The following SLC12A8 variants were observed in gnomAD, a reference collection of about 807,000 sequenced individuals.
The protein encoded by SLC12A8 is solute carrier family 12 member 8, also known as cation-chloride cotransporter 9.
SLC12A8 carries 69 observed loss-of-function variants against 75.6 expected under a neutral mutation model. The ratio of observed to expected loss-of-function variants is 0.91; its 90% CI spans 0.75 to 1.11. The LOEUF is 1.11. SLC12A8 is among the 50% of genes most tolerant of loss of function. SLC12A8 has a pLI of 0.00. For missense variants in SLC12A8, 877 were observed against 896.7 expected (o/e 0.98, Z 0.28); for synonymous variants, 365 against 372.8 (o/e 0.98, Z 0.24).
At position 125,120,597 on chromosome 3, in the gene SLC12A8, A is replaced by C; in HGVS notation, c.824+2T>G. On this transcript the variant is annotated splice_donor_variant, in intron 7 of 13. Transcript: ENST00000469902. LOFTEE classifies it high-confidence loss of function. ...AGACTGATTGCCATGAGGGGAACTTACGAGATGCCAACAGCTGCCAGGGAG... is the reference window on the plus strand; with the variant it reads ...AGACTGATTGCCATGAGGGGAACTTCCGAGATGCCAACAGCTGCCAGGGAG... 1.2e-6 allele frequency: 2 copies of C among 1,610,856 alleles called. No homozygotes were observed. Among genetic ancestry groups the C allele is most frequent in the Non-Finnish European group, 1.7e-6 (2 of 1,177,560 alleles).
intron 13 of SLC12A8, chr3:125,088,056 C>T: frequency 4.1e-6 from 2 of 488,002 alleles, no homozygotes; most frequent in South Asian, 3.3e-5. Context: ...TAAATAAAGC[C>T]TCTGTTCTTG....
At chr3:125,190,550 G>A in intron 2 of SLC12A8, 29 bp from the exon 3 acceptor site, 1 of 1,611,392 alleles carries the variant, frequency 6.2e-7, no homozygotes, top group Non-Finnish European at 8.5e-7. Flanking sequence ...GAAATCAGCT[G>A]AGGGGCCATT....
rs529503391 is a variant in SLC12A8, at chr3:125,103,888, C to A, written c.1705+3593G>T. ...GGCTCAAACATTCCTCCTGTCTCAG[C>A]CTCCCAAAGTGCTGGATTACAGGTG... On this transcript the variant is annotated intron_variant, in intron 10 of 13. Coordinates refer to ENST00000469902, the MANE Select transcript of SLC12A8 (RefSeq NM_024628.6). 2.6e-5 allele frequency among the ~76,000 whole-genome samples: 4 copies of A among 152,086 alleles called. No homozygotes were observed. In the East Asian group the frequency reaches 5.8e-4, roughly 22 times the overall value.
intron 6 of SLC12A8, among the ~76,000 whole-genome samples, chr3:125,124,697 A>G (rs1324004676): frequency 1.3e-5 from 2 of 152,212 alleles, no homozygotes; most frequent in African/African-American, 2.4e-5. Context: ...TTACCACACA[A>G]TTCTTGGGCA....
At chr3:125,177,098 G>A (rs1295177349) in intron 5 of SLC12A8, among the ~76,000 whole-genome samples, 1 of 151,916 alleles carries the variant, frequency 6.6e-6, no homozygotes, top group East Asian at 1.9e-4. Context: ...ATGATAGACT[G>A]GATTAAGAAA....
At chr3:125,188,002 G>T (rs1934828248) in intron 3 of SLC12A8, among the ~76,000 whole-genome samples, 1 of 152,112 alleles carries the variant, frequency 6.6e-6, no homozygotes, top group South Asian at 2.1e-4. Context: ...TCCAGGGGAG[G>T]ATGATATGGT....
At chr3:125,156,198 C>T (rs1370965570) in intron 5 of SLC12A8, among the ~76,000 whole-genome samples, 1 of 152,192 alleles carries the variant, frequency 6.6e-6, no homozygotes, top group Non-Finnish European at 1.5e-5. Flanking sequence ...ATACAAAGCA[C>T]GCTAGAAACC....
At chr3:125,133,391 G>T (rs541490780) in intron 6 of SLC12A8, among the ~76,000 whole-genome samples, 4 of 143,112 alleles carry the variant, frequency 2.8e-5, no homozygotes, top group Non-Finnish European at 6.1e-5. Flanking sequence ...TTTTTTTTTT[G>T]ATACAGGGTC....
At chr3:125,186,437 A>G (rs1934784754) in intron 4 of SLC12A8, among the ~76,000 whole-genome samples, 1 of 152,036 alleles carries the variant, frequency 6.6e-6, no homozygotes. Context: ...AAGAAACAAA[A>G]CCGATGCTTT....
intron 8 of SLC12A8, among the ~76,000 whole-genome samples, chr3:125,115,519 A>G (rs1156780799): frequency 6.6e-6 from 1 of 151,866 alleles, no homozygotes; most frequent in Non-Finnish European, 1.5e-5. Flanking sequence ...GCAAAACTCC[A>G]TCTCAAGAAA....
intron 6 of SLC12A8, among the ~76,000 whole-genome samples, chr3:125,131,066 A>C (rs530141286): frequency 6.6e-6 from 1 of 152,368 alleles, no homozygotes. Flanking sequence ...GGAAAGAGGA[A>C]GAGAGGCTGG....
chr3:125,131,454 T>C (rs1375178937), intron 6 of SLC12A8, among the ~76,000 whole-genome samples: 1 of 152,208 alleles, frequency 6.6e-6, no homozygotes, highest in Non-Finnish European at 1.5e-5. Flanking sequence ...TGGCACGATT[T>C]CAGCGCACTG....
At chr3:125,095,733 G>A (rs1215796425) in intron 10 of SLC12A8, among the ~76,000 whole-genome samples, 2 of 152,244 alleles carry the variant, frequency 1.3e-5, no homozygotes, top group African/African-American at 4.8e-5. Context: ...CGAGGGCATA[G>A]TGAAGTCATA....
intron 2 of SLC12A8, among the ~76,000 whole-genome samples, chr3:125,202,810 G>A (rs930689354): frequency 8.5e-5 from 13 of 152,126 alleles, no homozygotes; most frequent in South Asian, 2.1e-4. Context: ...ATGAGAAGCC[G>A]GGCACGGTGG....
intron 5 of SLC12A8, among the ~76,000 whole-genome samples, chr3:125,148,990 T>A (rs1933853842): frequency 1.3e-5 from 2 of 152,180 alleles, no homozygotes; most frequent in African/African-American, 4.8e-5. Context: ...AGGCAGGATG[T>A]GTCGGCCCAC....
At chr3:125,141,542 T>TC (rs1483385998) in intron 5 of SLC12A8, among the ~76,000 whole-genome samples, 3 of 152,090 alleles carry the variant, frequency 2.0e-5, no homozygotes, top group Admixed American at 1.3e-4. Flanking sequence ...CGACATCCCC[T>TC]CCCCCTACGC....
chr3:125,126,154 C>A (rs1054039872), intron 6 of SLC12A8, among the ~76,000 whole-genome samples: 5 of 152,236 alleles, frequency 3.3e-5, no homozygotes, highest in African/African-American at 1.2e-4. Flanking sequence ...TCTTCCACCC[C>A]AGTCCTGGGG....
chr3:125,144,642 G>A (rs1245139940), intron 5 of SLC12A8, among the ~76,000 whole-genome samples: 2 of 152,052 alleles, frequency 1.3e-5, no homozygotes, highest in Non-Finnish European at 2.9e-5. Context: ...TATTCCTTCT[G>A]GCTGTCTCTG....
Position 125,118,816 on chromosome 3 carries a change from T to C in SLC12A8, c.865A>G (p.Ile289Val), listed in dbSNP as rs1296997633. ...YIIFVFLLGA[I>V]CTREALRYDF... The stretch of plus-strand genomic sequence containing the variant: ...TAGCGAAGGGCCTCTCGAGTGCAGA[T>C]GGCGCCCAGGAGGAAGACGAAGATG... Residue 289 changes from isoleucine (I) to valine (V), a missense_variant, in exon 8 of 14, where the codon ATC becomes GTC. Coordinates refer to ENST00000469902, the MANE Select transcript of SLC12A8 (RefSeq NM_024628.6). 9 of 1,613,898 alleles carry C rather than the reference T, an allele frequency of 5.6e-6. No individual in the cohort carries two copies. The highest frequency in any genetic ancestry group is 7.6e-6 in the Non-Finnish European group (9 of 1,179,910).
Sources: gnomAD v4.1 joint callset for allele counts (sites outside exome capture counted in the v4.1 genomes callset) on GRCh38, gnomAD v4.1.1 for gene constraint, MANE v1.5 for transcripts, NCBI Gene and HGNC (gene_info 2026-07-23, HGNC 2026-07-21) for gene names.